EML6: variants seen among roughly 807,000 people sequenced by gnomAD.
EML6 encodes the protein echinoderm microtubule-associated protein-like 6.
A neutral mutation model predicts 240.1 loss-of-function variants in EML6; 154 were observed. The ratio of observed to expected loss-of-function variants is 0.64; its 90% CI spans 0.56 to 0.73. The LOEUF is 0.73. Ranked by LOEUF, EML6 falls within the 30% of genes least tolerant of loss-of-function variation. The probability of loss-of-function intolerance (pLI) is 0.00; values close to 1 mark genes in which losing one functional copy is unlikely to be tolerated. For synonymous variants in EML6, 1,148 were observed against 899.0 expected (o/e 1.28, Z -4.95); for missense variants, 2,964 against 2,474.6 (o/e 1.20, Z -4.20).
intron 2 of EML6, among the ~76,000 whole-genome samples, chr2:54,737,489 G>C (rs1229708285): frequency 6.6e-6 from 1 of 152,070 alleles, no homozygotes; most frequent in East Asian, 1.9e-4. Flanking sequence ...AGTAGAGTCA[G>C]GGTTTCATCA....
intron 11 of EML6, among the ~76,000 whole-genome samples, chr2:54,857,796 C>T (rs1029473087): frequency 1.3e-5 from 2 of 152,052 alleles, no homozygotes; most frequent in Non-Finnish European, 2.9e-5. Context: ...GAGAAAATGC[C>T]TAGCATGTTT....
chr2:54,832,006 G>T (rs548482274), intron 7 of EML6, among the ~76,000 whole-genome samples: 238 of 152,194 alleles, frequency 1.6e-3, no homozygotes, highest in African/African-American at 4.8e-3. Context: ...ATATGCTGGG[G>T]TTTAATTTTT....
Position 54,890,982 on chromosome 2 carries a change from A to G in EML6, c.2439-72A>G, listed in dbSNP as rs1239932426. 4.2e-6 allele frequency: 3 copies of G among 718,128 alleles called. No homozygotes were observed. The Admixed American group carries it at 7.6e-5, about 18-fold the overall frequency. The allele number at this position is 718,128 out of a possible 1,614,324, so 44.5% of individuals were successfully genotyped here. ...TTAGATGTGCTTAAAATTAGACCAA[A>G]TGCATGCTTTTAATAAAACTGTTAC... On this transcript the variant is annotated intron_variant, in intron 17 of 41. Transcript: ENST00000356458.
Position 54,816,856 on chromosome 2 carries a change from C to A in EML6, c.427C>A (p.Leu143Met). The A allele has an allele frequency of 1.3e-6, 2 of 1,551,486 alleles. No homozygotes were observed. The highest frequency in any genetic ancestry group is 1.2e-5 in the South Asian group (1 of 84,066). Residue 143 changes from leucine (L) to methionine (M), a missense_variant, in exon 4 of 42, where the codon CTG (leucine) becomes ATG (methionine). Transcript: ENST00000356458. ...CIWDWRKGKL[L>M]ASATGHSDRI... ...TTGGGACTGGAGGAAGGGAAAACTT[C>A]TGGCGTCAGCCACCGGCCATTCTGA... is the stretch of plus-strand genomic sequence containing the variant.
chr2:54,968,122 G>T lies in EML6; in HGVS notation c.5598-6G>T. 6.4e-7 allele frequency: 1 copy of T among 1,550,692 alleles called. No homozygotes were observed. Among genetic ancestry groups the T allele is most frequent in the African/African-American group, 1.4e-5 (1 of 73,152 alleles). On this transcript the variant is annotated splice_region_variant and splice_polypyrimidine_tract_variant and intron_variant, in intron 39 of 41. Coordinates refer to ENST00000356458, the MANE Select transcript of EML6 (RefSeq NM_001039753.4). ...TCTATCCTAACCCCTCTTTCTGTTG[G>T]AACAGCGTCCTGGGAGATGAAGTCA...
At chr2:54,940,449 C>T (rs1396373567) in intron 28 of EML6, among the ~76,000 whole-genome samples, 2 of 152,012 alleles carry the variant, frequency 1.3e-5, no homozygotes, top group African/African-American at 4.8e-5. Context: ...TAGTCTGTGG[C>T]GTCAATATAA....
chr2:54,810,678 A>G (rs1298004639), intron 2 of EML6, among the ~76,000 whole-genome samples: 1 of 152,186 alleles, frequency 6.6e-6, no homozygotes, highest in African/African-American at 2.4e-5. Flanking sequence ...GGGAGAGGCA[A>G]TATGGCAGCC....
chr2:54,925,520 C>T (rs1468673376), intron 26 of EML6, among the ~76,000 whole-genome samples: 2 of 152,224 alleles, frequency 1.3e-5, no homozygotes, highest in Non-Finnish European at 2.9e-5. Flanking sequence ...AATCACGTCA[C>T]TATCTTGGCT....
intron 30 of EML6, 82 bp from the exon 31 acceptor site, chr2:54,952,512 A>G (rs1234581443): frequency 4.3e-5 from 34 of 783,542 alleles, no homozygotes; most frequent in South Asian, 1.8e-4. Flanking sequence ...GAAGTATCCA[A>G]TGGCTCCACG....
At chr2:54,742,461 A>T (rs1201150467) in intron 2 of EML6, among the ~76,000 whole-genome samples, 2 of 152,156 alleles carry the variant, frequency 1.3e-5, no homozygotes, top group African/African-American at 4.8e-5. Context: ...GCCCTCCCTG[A>T]TTTCATGGGG....
intron 5 of EML6, 23 bp from the exon 6 acceptor site, chr2:54,827,543 C>CTATTTT: frequency 6.5e-7 from 1 of 1,537,710 alleles, no homozygotes; most frequent in Admixed American, 2.0e-5. Context: ...TCTTGGAGAT[C>CTATTTT]TATTTTATCA....
intron 2 of EML6, among the ~76,000 whole-genome samples, chr2:54,743,919 A>G (rs1683778997): frequency 6.6e-6 from 1 of 152,158 alleles, no homozygotes; most frequent in African/African-American, 2.4e-5. Flanking sequence ...GAATAGAGGA[A>G]GGAAGGTAAA....
rs564795606 is a variant in EML6, at chr2:54,921,857, G to C, written c.3675+4922G>C. Among the ~76,000 whole-genome samples the C allele has an allele frequency of 9.6e-4, 146 of 152,050 alleles. 1 individual carries two copies. In the Middle Eastern group the frequency reaches 0.014, roughly 14 times the overall value. On this transcript the variant is annotated intron_variant, in intron 26 of 41. Coordinates refer to ENST00000356458, the MANE Select transcript of EML6 (RefSeq NM_001039753.4). ...CAGTCTCTTCAATGAGTGGTGTCAG[G>C]GAAACTGGATATCTACATTCAAAAG...
rs1218672425 is a variant in EML6 at position 54,964,665 on chromosome 2, G to C, written c.5425G>C (p.Gly1809Arg). 4.5e-6 allele frequency: 7 copies of C among 1,552,172 alleles called. No homozygotes were observed. Among genetic ancestry groups the C allele is most frequent in the Non-Finnish European group, 6.1e-6 (7 of 1,147,102 alleles). The change falls in exon 38 of 42, where the codon GGC becomes CGC. Residue 1809 changes from glycine (G) to arginine (R), a missense_variant. Physicochemically the swap from Gly to Arg is moderately radical, Grantham distance 125 (BLOSUM62 -2). Coordinates refer to ENST00000356458, the MANE Select transcript of EML6 (RefSeq NM_001039753.4). Reference protein sequence around the residue: ...LTQGTNLNRIGYCKDIPSFVI... With the variant: ...LTQGTNLNRIRYCKDIPSFVI... ...TCAGGGCACAAATCTGAACCGCATT[G>C]GCTACTGCAAAGATATCCCAAGCTT...
intron 4 of EML6, among the ~76,000 whole-genome samples, chr2:54,817,490 C>T (rs1239723763): frequency 6.6e-6 from 1 of 152,158 alleles, no homozygotes; most frequent in Non-Finnish European, 1.5e-5. Context: ...AATGAATTTG[C>T]ATGACTGTCT....
chr2:54,750,177 G>C (rs561098171), intron 2 of EML6, among the ~76,000 whole-genome samples: 6 of 152,300 alleles, frequency 3.9e-5, no homozygotes, highest in African/African-American at 1.4e-4. Flanking sequence ...CTGAGGGCCC[G>C]ATATTTGGCT....
intron 6 of EML6, among the ~76,000 whole-genome samples, chr2:54,828,687 T>C (rs1668715061): frequency 6.6e-6 from 1 of 152,256 alleles, no homozygotes; most frequent in Non-Finnish European, 1.5e-5. Context: ...GCTGTCTTAG[T>C]AACCTAATTT....
At chr2:54,735,852 C>G (rs1432089506) in intron 2 of EML6, among the ~76,000 whole-genome samples, 1 of 152,204 alleles carries the variant, frequency 6.6e-6, no homozygotes, top group Non-Finnish European at 1.5e-5. Context: ...CATCTGCCAG[C>G]TCTAACTAAA....
At chr2:54,965,729 T>A (rs1431464152) in intron 38 of EML6, among the ~76,000 whole-genome samples, 1 of 152,164 alleles carries the variant, frequency 6.6e-6, no homozygotes, top group Non-Finnish European at 1.5e-5. Context: ...TGGGGCCAGC[T>A]GATCCATCAA....
Sources: allele counts gnomAD v4.1 joint callset (sites outside exome capture counted in the v4.1 genomes callset), GRCh38; gene constraint gnomAD v4.1.1; transcripts MANE v1.5; gene names NCBI Gene and HGNC (gene_info 2026-07-23, HGNC 2026-07-21).